PLCH1: variants seen among roughly 807,000 people sequenced by gnomAD.
PLCH1 encodes the protein phospholipase C eta 1.
Under a neutral mutation model 126.7 loss-of-function variants are expected in PLCH1, and 60 were observed. That is an observed-to-expected ratio of 0.47 (90% CI 0.38 to 0.59). PLCH1 has a LOEUF of 0.59. Among genes scored for constraint, PLCH1 ranks in the 20% least tolerant of loss-of-function variants. The pLI, the probability that PLCH1 is intolerant of heterozygous loss-of-function variation, is 0.00. For missense variants in PLCH1, 1,723 were observed against 2,040.0 expected (o/e 0.84, Z 2.99); for synonymous variants, 719 against 734.9 (o/e 0.98, Z 0.35).
chr3:155,692,972 C>T (rs941589127), intron 2 of PLCH1, among the ~76,000 whole-genome samples: 3 of 151,788 alleles, frequency 2.0e-5, no homozygotes, highest in African/African-American at 7.3e-5. Flanking sequence ...TTAGTAGAGA[C>T]GGGGTTTCAC....
At chr3:155,690,046 TAAA>T (rs1008548264) in intron 2 of PLCH1, among the ~76,000 whole-genome samples, 4 of 101,054 alleles carry the variant, frequency 4.0e-5, no homozygotes, top group African/African-American at 1.5e-4. Flanking sequence ...AAAAAAAGAA[TAAA>T]AAAAAAAAAA....
intron 5 of PLCH1, among the ~76,000 whole-genome samples, chr3:155,585,002 T>C (rs72996987): frequency 0.013 from 1,907 of 152,274 alleles, 44 homozygotes; most frequent in African/African-American, 0.043. Context: ...CCTTCCCATA[T>C]GTTTAAAGAT....
At chr3:155,616,925 C>G (rs1182013704) in intron 2 of PLCH1, among the ~76,000 whole-genome samples, 1 of 151,540 alleles carries the variant, frequency 6.6e-6, no homozygotes, top group Non-Finnish European at 1.5e-5. Context: ...CCTGATTAAC[C>G]CTGTTAGATA....
intron 1 of PLCH1, among the ~76,000 whole-genome samples, chr3:155,724,877 G>T (rs549841750): frequency 2.0e-5 from 3 of 147,286 alleles, no homozygotes; most frequent in Admixed American, 6.9e-5. Flanking sequence ...TGTCCTGTGA[G>T]ATTTATGCTT....
At chr3:155,721,429 T>C (rs1747934776) in intron 1 of PLCH1, among the ~76,000 whole-genome samples, 1 of 152,198 alleles carries the variant, frequency 6.6e-6, no homozygotes, top group Non-Finnish European at 1.5e-5. Context: ...GGTCCTTTAC[T>C]TCCTTAGTTA....
chr3:155,575,916 G>A (rs1003228560), intron 6 of PLCH1, among the ~76,000 whole-genome samples: 1 of 152,146 alleles, frequency 6.6e-6, no homozygotes, highest in African/African-American at 2.4e-5. Flanking sequence ...CCGTAGCTGG[G>A]ATTACAGGGG....
chr3:155,562,413 T>C (rs1727756156), intron 8 of PLCH1, among the ~76,000 whole-genome samples: 1 of 152,190 alleles, frequency 6.6e-6, no homozygotes, highest in Non-Finnish European at 1.5e-5. Context: ...TTCGCTTCCT[T>C]TCCTAGAACC....
At chr3:155,486,186 G>T in intron 21 of PLCH1, 2 of 1,546,340 alleles carry the variant, frequency 1.3e-6, no homozygotes, top group Non-Finnish European at 1.8e-6. Context: ...TATAACTGGG[G>T]TTGAGTATTA....
chr3:155,656,429 C>T (rs1466429230), intron 2 of PLCH1, among the ~76,000 whole-genome samples: 6 of 152,196 alleles, frequency 3.9e-5, no homozygotes, highest in Non-Finnish European at 2.9e-5. Context: ...ATAAAACTAA[C>T]AGCAAATAAA....
chr3:155,515,174 G>T (rs1343313162), intron 11 of PLCH1, among the ~76,000 whole-genome samples: 1 of 152,138 alleles, frequency 6.6e-6, no homozygotes, highest in Non-Finnish European at 1.5e-5. Context: ...CAGTGATATA[G>T]AATCTGATGC....
At position 155,458,494 on chromosome 3, in the gene PLCH1, GA is replaced by G. The variant is rs537143652; in HGVS notation, c.2938+26861del. ...AGAAAGAAAGAAAGAAAGAAAGAAAGAAAGAGAAAGAAGAGAGAGAAATAAG... is the reference window on the plus strand; with the variant it reads ...AGAAAGAAAGAAAGAAAGAAAGAAAGAAGAGAAAGAAGAGAGAGAAATAAG... On this transcript the variant is annotated intron_variant, in intron 21 of 21. Coordinates refer to the PLCH1 transcript ENST00000494598. Among the ~76,000 whole-genome samples the G allele has an allele frequency of 1.7e-4, 15 of 87,044 alleles. 1 individual carries two copies. In the African/African-American group the frequency reaches 1.8e-3, roughly 10 times the overall value. 57.1% of individuals were successfully genotyped at this position (87,044 alleles called of 152,430 possible). A position where few individuals can be genotyped will look rare whatever the true frequency, so the allele number is the denominator to read the frequency against.
rs750341381 is a variant in PLCH1, at chr3:155,590,748, T to TCAAA, written c.470+3189_470+3192dup. 1.5e-3 allele frequency among the ~76,000 whole-genome samples: 233 copies of TCAAA among 152,170 alleles called. 2 individuals are homozygous for TCAAA. The highest frequency in any genetic ancestry group is 1.3e-3 in the Non-Finnish European group (85 of 67,990). On this transcript the variant is annotated intron_variant, in intron 4 of 22. Coordinates refer to ENST00000460012, the MANE Select transcript of PLCH1 (RefSeq NM_014996.4). ...CTGGGTGACAGAGCGAGACTCCGCCTCAAACAAACAAACAAACAAACAAAA... is the reference window on the plus strand; with the variant it reads ...CTGGGTGACAGAGCGAGACTCCGCCTCAAACAAACAAACAAACAAACAAACAAAA...
intron 2 of PLCH1, among the ~76,000 whole-genome samples, chr3:155,610,592 G>A (rs1364868997): frequency 6.6e-6 from 1 of 151,968 alleles, no homozygotes; most frequent in African/African-American, 2.4e-5. Flanking sequence ...TATCAGCCAA[G>A]AATATTGTAA....
At chr3:155,521,143 T>C (rs1160334146) in intron 11 of PLCH1, among the ~76,000 whole-genome samples, 2 of 152,182 alleles carry the variant, frequency 1.3e-5, no homozygotes, top group South Asian at 2.1e-4. Flanking sequence ...AAAATTTCAA[T>C]AGATCCCTTA....
At chr3:155,483,678 T>C (rs1389281028) in intron 22 of PLCH1, among the ~76,000 whole-genome samples, 1 of 152,192 alleles carries the variant, frequency 6.6e-6, no homozygotes. Flanking sequence ...ATTGCTAATA[T>C]CTAATTTTTT....
At chr3:155,654,716 C>G (rs74612021) in intron 2 of PLCH1, among the ~76,000 whole-genome samples, 6,079 of 152,280 alleles carry the variant, frequency 0.04, 152 homozygotes, top group East Asian at 0.083. Context: ...AGACCACCAT[C>G]ATTTCATGTA....
intron 8 of PLCH1, among the ~76,000 whole-genome samples, chr3:155,559,057 C>T (rs907284406): frequency 6.6e-6 from 1 of 152,140 alleles, no homozygotes; most frequent in African/African-American, 2.4e-5. Context: ...CTCTGGCCAT[C>T]CTTATATGAC....
intron 21 of PLCH1, among the ~76,000 whole-genome samples, chr3:155,468,000 G>A (rs1014048899): frequency 1.3e-5 from 2 of 152,158 alleles, no homozygotes; most frequent in African/African-American, 4.8e-5. Flanking sequence ...CTTATCCTAA[G>A]TGGAAAGACT....
At chr3:155,626,708 G>C (rs1180664728) in intron 2 of PLCH1, among the ~76,000 whole-genome samples, 1 of 139,444 alleles carries the variant, frequency 7.2e-6, no homozygotes, top group Admixed American at 8.1e-5. Context: ...GGCAGAGCTT[G>C]CAGTGAGCCG....
Sources: gnomAD v4.1 joint callset for allele counts (sites outside exome capture counted in the v4.1 genomes callset) on GRCh38, gnomAD v4.1.1 for gene constraint, MANE v1.5 for transcripts, NCBI Gene and HGNC (gene_info 2026-07-23, HGNC 2026-07-21) for gene names.